EDN1: variants seen among roughly 807,000 people sequenced by gnomAD.
EDN1 encodes endothelin 1.
In EDN1, 11 loss-of-function variants were observed where a neutral mutation model predicts 21.7. The observed-to-expected ratio is 0.51, with a 90% CI of 0.32 to 0.84. The LOEUF is 0.84. EDN1 is among the 40% of genes least tolerant of loss of function. EDN1 has a pLI of 0.03. For missense variants in EDN1, 244 were observed against 262.3 expected, an observed-to-expected ratio of 0.93 and a Z score of 0.48; for synonymous variants, 85 against 90.6, an observed-to-expected ratio of 0.94 and a Z score of 0.35.
upstream of EDN1, among the ~76,000 whole-genome samples, chr6:12,285,641 G>A (rs1278902078): frequency 1.3e-5 from 2 of 152,094 alleles, no homozygotes; most frequent in Non-Finnish European, 2.9e-5. Flanking sequence ...GCGCAATCTC[G>A]GCTCACCACA....
the EDN1 span, among the ~76,000 whole-genome samples, chr6:12,253,360 C>T: frequency 1.3e-5 from 2 of 152,078 alleles, no homozygotes; most frequent in Admixed American, 6.6e-5. Flanking sequence ...ATTAAACAGA[C>T]AAAAATTAAG....
the EDN1 span, among the ~76,000 whole-genome samples, chr6:12,280,895 AAAAC>A: frequency 3.9e-5 from 6 of 152,360 alleles, no homozygotes; most frequent in East Asian, 5.8e-4. Context: ...TCCATCTCAA[AAAAC>A]AAACAAACAA....
At chr6:12,284,510 A>C in the EDN1 span, among the ~76,000 whole-genome samples, 1 of 146,254 alleles carries the variant, frequency 6.8e-6, no homozygotes, top group South Asian at 2.1e-4. Flanking sequence ...TCTAAAAAGG[A>C]AGGAAGGAAG....
chr6:12,287,259 A>AT (rs113413253), upstream of EDN1, among the ~76,000 whole-genome samples: 30,352 of 151,000 alleles, frequency 0.2, 3,263 homozygotes, highest in South Asian at 0.32. Context: ...CAAAAGGAGC[A>AT]TTTTCCCCCT....
At chr6:12,273,498 A>G in the EDN1 span, among the ~76,000 whole-genome samples, 2 of 152,164 alleles carry the variant, frequency 1.3e-5, no homozygotes, top group Non-Finnish European at 2.9e-5. Flanking sequence ...CAAGAGCTAT[A>G]ACAGTAAAGA....
chr6:12,271,322 T>C, the EDN1 span, among the ~76,000 whole-genome samples: 7 of 152,154 alleles, frequency 4.6e-5, no homozygotes, highest in Non-Finnish European at 1.0e-4. Context: ...CTTTGATTTC[T>C]TTCTCTTTCT....
chr6:12,254,569 A>G, the EDN1 span, among the ~76,000 whole-genome samples: 1 of 152,244 alleles, frequency 6.6e-6, no homozygotes, highest in Non-Finnish European at 1.5e-5. Context: ...TTAATATTAA[A>G]TGAGAAATAT....
chr6:12,274,418 A>G, the EDN1 span, among the ~76,000 whole-genome samples: 1 of 152,234 alleles, frequency 6.6e-6, no homozygotes, highest in Non-Finnish European at 1.5e-5. Flanking sequence ...CATATTTACT[A>G]TATCATGGAA....
At chr6:12,288,942 C>T (rs1486727403), upstream of EDN1, among the ~76,000 whole-genome samples, 1 of 152,172 alleles carries the variant, frequency 6.6e-6, no homozygotes, top group African/African-American at 2.4e-5. Flanking sequence ...TGGGAAGAGA[C>T]TCTAAATTTA....
intron 1 of EDN1, among the ~76,000 whole-genome samples, chr6:12,290,895 G>A (rs906454692): frequency 1.3e-5 from 2 of 151,354 alleles, no homozygotes; most frequent in Admixed American, 1.3e-4. Flanking sequence ...ACAATTAGGT[G>A]CAATTGACTA....
chr6:12,291,634 C>T (rs538800580), intron 1 of EDN1, among the ~76,000 whole-genome samples: 29 of 151,968 alleles, frequency 1.9e-4, no homozygotes, highest in Admixed American at 5.9e-4. Context: ...GCAGTGGATC[C>T]CACACAAGCC....
Position 12,294,407 on chromosome 6 carries a change from A to G in EDN1, c.533+3A>G. On this transcript the variant is annotated splice_donor_region_variant and intron_variant, in intron 4 of 4. Coordinates refer to ENST00000379375, the MANE Select transcript of EDN1 (RefSeq NM_001955.5). ...GAGGAACACCTAAGACAAACCAGGT[A>G]AGAGGGAAGGAAGAAAAATTAGGTA... 2 of 1,614,148 alleles carry G rather than the reference A, an allele frequency of 1.2e-6. No individual in the cohort carries two copies. Among genetic ancestry groups the G allele is most frequent in the Non-Finnish European group, 1.7e-6 (2 of 1,180,014 alleles).
At chr6:12,231,182 C>T in the EDN1 span, among the ~76,000 whole-genome samples, 1 of 152,238 alleles carries the variant, frequency 6.6e-6, no homozygotes, top group African/African-American at 2.4e-5. Context: ...GGCACTCCTG[C>T]TTCTCCGCAG....
the EDN1 span, among the ~76,000 whole-genome samples, chr6:12,237,771 C>G: frequency 8.5e-5 from 13 of 152,162 alleles, no homozygotes; most frequent in Non-Finnish European, 1.2e-4. Flanking sequence ...AGAGAATTGT[C>G]TCTACTATAG....
the EDN1 span, among the ~76,000 whole-genome samples, chr6:12,243,341 G>A: frequency 6.7e-6 from 1 of 149,070 alleles, no homozygotes. Context: ...GAGGAGGAGG[G>A]GCTGGTCTTG....
At position 12,292,358 on chromosome 6, in the gene EDN1, C is replaced by A. The variant is rs754109007; in HGVS notation, c.82C>A (p.Leu28Ile). Reference protein sequence around the residue: ...APETAVLGAELSAVGENGGEK... With the variant: ...APETAVLGAEISAVGENGGEK... ...CTCCCCAGCAGTCTTAGGCGCTGAG[C>A]TCAGCGCGGTGGGTGAGAACGGCGG... Residue 28 changes from leucine (L) to isoleucine (I), a missense_variant, in exon 2 of 5, where the codon CTC becomes ATC. Leu to Ile is a conservative substitution (Grantham distance 5). Transcript: ENST00000379375. The A allele has an allele frequency of 2.5e-6, 4 of 1,614,148 alleles. 1 individual carries two copies. The South Asian group carries it at 4.4e-5, about 18-fold the overall frequency.
the EDN1 span, among the ~76,000 whole-genome samples, chr6:12,237,127 C>A: frequency 6.6e-6 from 1 of 152,058 alleles, no homozygotes; most frequent in Non-Finnish European, 1.5e-5. Flanking sequence ...TGGTTTCCAG[C>A]TTCATCCATG....
chr6:12,296,313 C>T lies in EDN1; in HGVS notation c.*246C>T. The T allele has an allele frequency of 2.1e-6, 1 of 468,432 alleles. No homozygotes were observed. The highest frequency in any genetic ancestry group is 4.0e-6 in the Non-Finnish European group (1 of 251,986). The allele number at this position is 468,432 out of a possible 1,614,324, so 29.0% of individuals were successfully genotyped here. On this transcript the variant is annotated 3_prime_UTR_variant, in exon 5 of 5. Transcript: ENST00000379375. ...TTCATCTGGGGATGACAATGGACCTCTCAGCAGAAACACACAGTCACATTC... is the reference window on the plus strand; with the variant it reads ...TTCATCTGGGGATGACAATGGACCTTTCAGCAGAAACACACAGTCACATTC...
the EDN1 span, among the ~76,000 whole-genome samples, chr6:12,236,398 C>T: frequency 6.6e-6 from 1 of 152,074 alleles, no homozygotes; most frequent in Non-Finnish European, 1.5e-5. Flanking sequence ...GCTGGGACTA[C>T]AGGCGTGTGC....
Sources: gnomAD v4.1 joint callset for allele counts (sites outside exome capture counted in the v4.1 genomes callset) on GRCh38, gnomAD v4.1.1 for gene constraint, MANE v1.5 for transcripts, NCBI Gene and HGNC (gene_info 2026-07-23, HGNC 2026-07-21) for gene names.